GTF2IRD1: variants seen among roughly 807,000 people sequenced by gnomAD.
GTF2IRD1 encodes the protein general transcription factor II-I repeat domain-containing protein 1.
GTF2IRD1 carries 26 observed loss-of-function variants against 113.2 expected under a neutral mutation model. The ratio of observed to expected loss-of-function variants is 0.23; its 90% CI spans 0.17 to 0.32. GTF2IRD1 has a LOEUF of 0.32. Ranked by LOEUF, GTF2IRD1 falls within the 10% of genes least tolerant of loss-of-function variation. The pLI is 1.00. For missense variants in GTF2IRD1, 864 were observed against 1,280.8 expected (o/e 0.67, Z 4.97); for synonymous variants, 484 against 529.1 (o/e 0.91, Z 1.17).
intron 22 of GTF2IRD1, among the ~76,000 whole-genome samples, chr7:74,583,668 A>AT (rs1342301936): frequency 3.3e-5 from 5 of 151,728 alleles, no homozygotes; most frequent in Admixed American, 6.6e-5. Flanking sequence ...CCCATATAGA[A>AT]TTGCCATAGT....
rs146367459 is a variant in GTF2IRD1, at chr7:74,516,693, C to G, written c.421+1097C>G. Among the ~76,000 whole-genome samples, 437 of 152,286 alleles carry G rather than the reference C, an allele frequency of 2.9e-3. 3 individuals carry two copies. The highest frequency in any genetic ancestry group is 9.8e-3 in the African/African-American group (408 of 41,566). ...AGAGGCCCTGGGTGGTCACACTGGCCACCCTGGGATGGGGGACTTGCCACG... is the reference window on the plus strand; with the variant it reads ...AGAGGCCCTGGGTGGTCACACTGGCGACCCTGGGATGGGGGACTTGCCACG... On this transcript the variant is annotated intron_variant, in intron 4 of 26. Coordinates refer to ENST00000424337, the MANE Select transcript of GTF2IRD1 (RefSeq NM_005685.4).
intron 22 of GTF2IRD1, among the ~76,000 whole-genome samples, chr7:74,560,472 A>G (rs2130791601): frequency 6.8e-6 from 1 of 147,348 alleles, no homozygotes; most frequent in Non-Finnish European, 1.5e-5. Flanking sequence ...AAATATATAC[A>G]TAATAAAAAA....
intron 22 of GTF2IRD1, among the ~76,000 whole-genome samples, chr7:74,570,191 G>A (rs1488919757): frequency 6.6e-6 from 1 of 151,906 alleles, no homozygotes; most frequent in Non-Finnish European, 1.5e-5. Flanking sequence ...GTGAGACCCT[G>A]TCTCCACCAA....
At chr7:74,491,342 G>A (rs1554336663) in intron 1 of GTF2IRD1, among the ~76,000 whole-genome samples, 1 of 144,072 alleles carries the variant, frequency 6.9e-6, no homozygotes. Context: ...TTTACTTTGA[G>A]GTTCTTGGGT....
intron 22 of GTF2IRD1, among the ~76,000 whole-genome samples, chr7:74,566,403 T>C (rs2267817): frequency 0.41 from 62,093 of 151,982 alleles, 14,371 homozygotes; most frequent in African/African-American, 0.63. Context: ...ACTGCAGTCG[T>C]GTGATCTCAA....
intron 8 of GTF2IRD1, among the ~76,000 whole-genome samples, chr7:74,524,728 T>C (rs981481490): frequency 6.6e-6 from 1 of 152,056 alleles, no homozygotes; most frequent in Non-Finnish European, 1.5e-5. Context: ...TAACTGGGTG[T>C]GGTAATACAC....
chr7:74,599,881 A>C (rs960111901), intron 25 of GTF2IRD1, among the ~76,000 whole-genome samples: 3 of 151,624 alleles, frequency 2.0e-5, no homozygotes, highest in Non-Finnish European at 4.4e-5. Flanking sequence ...CCTCCCCAGA[A>C]CTCCCAGAGC....
chr7:74,523,270 C>A (rs1411110173), intron 7 of GTF2IRD1, among the ~76,000 whole-genome samples: 1 of 151,758 alleles, frequency 6.6e-6, no homozygotes, highest in Non-Finnish European at 1.5e-5. Flanking sequence ...TCATACCTGT[C>A]ATCCCAGCTG....
intron 9 of GTF2IRD1, among the ~76,000 whole-genome samples, chr7:74,530,213 AAAG>A (rs1243916386): frequency 6.6e-6 from 1 of 152,034 alleles, no homozygotes; most frequent in Non-Finnish European, 1.5e-5. Context: ...CTGTCTCAAA[AAAG>A]AGAGGTGCGG....
chr7:74,538,780 C>T lies in GTF2IRD1; in HGVS notation c.1528+20C>T, dbSNP rs587642183. On this transcript the variant is annotated intron_variant, in intron 13 of 26. Coordinates refer to ENST00000424337, the MANE Select transcript of GTF2IRD1 (RefSeq NM_005685.4). ...TCCCAGGTAAGGGACGGGCATCTGA[C>T]CACCCCCTGCAGAAATCAGGGCCGG... 6.5e-5 allele frequency: 85 copies of T among 1,317,576 alleles called. No homozygotes were observed. The South Asian group carries it at 9.0e-4, about 14-fold the overall frequency. The allele number at this position is 1,317,576 out of a possible 1,614,324, so 81.6% of individuals were successfully genotyped here.
At chr7:74,576,903 G>T (rs1308557800) in intron 22 of GTF2IRD1, among the ~76,000 whole-genome samples, 1 of 152,024 alleles carries the variant, frequency 6.6e-6, no homozygotes, top group Non-Finnish European at 1.5e-5. Context: ...TTACAGGTGT[G>T]AGCCACTGAG....
At chr7:74,590,582 G>A (rs182564739) in intron 23 of GTF2IRD1, among the ~76,000 whole-genome samples, 26 of 151,760 alleles carry the variant, frequency 1.7e-4, no homozygotes, top group Admixed American at 1.3e-3. Context: ...TAGTAGAGAC[G>A]AGGTTTTACC....
intron 20 of GTF2IRD1, among the ~76,000 whole-genome samples, chr7:74,558,029 T>C (rs1487278463): frequency 1.3e-5 from 2 of 152,054 alleles, no homozygotes; most frequent in Non-Finnish European, 2.9e-5. Context: ...ATCCCAGCAC[T>C]TTTGGAGGCT....
intron 9 of GTF2IRD1, 137 bp from the exon 10 acceptor site, chr7:74,534,976 T>G: frequency 1.4e-6 from 1 of 717,350 alleles, no homozygotes. Flanking sequence ...CCTGCATGTC[T>G]GCCGGATGCC....
At chr7:74,476,321 G>A (rs1293699614) in intron 1 of GTF2IRD1, among the ~76,000 whole-genome samples, 2 of 150,622 alleles carry the variant, frequency 1.3e-5, no homozygotes, top group Non-Finnish European at 1.5e-5. Flanking sequence ...AGTTCCTGGT[G>A]GATGTCTGCC....
intron 1 of GTF2IRD1, among the ~76,000 whole-genome samples, chr7:74,476,458 G>A (rs191464984): frequency 1.4e-5 from 2 of 145,826 alleles, no homozygotes; most frequent in Admixed American, 7.2e-5. Flanking sequence ...TCTGCCTCCC[G>A]GGTTCAAGCG....
At chr7:74,522,966 C>A (rs1554346333) in intron 7 of GTF2IRD1, among the ~76,000 whole-genome samples, 1 of 152,108 alleles carries the variant, frequency 6.6e-6, no homozygotes, top group Non-Finnish European at 1.5e-5. Flanking sequence ...GAGAGAGAGA[C>A]CAGCAGAGCT....
rs190429025 is a variant in GTF2IRD1, at chr7:74,479,935, C to T, written c.-7+25759C>T. Among the ~76,000 whole-genome samples, 192 of 151,608 alleles carry T rather than the reference C, an allele frequency of 1.3e-3. 1 individual carries two copies. The highest frequency in any genetic ancestry group is 1.9e-3 in the Non-Finnish European group (126 of 67,886). ...CTAATTTTTGTATTTTTAGTAGAGACGGGGTTTTGCCATGTTGGCCAGGCT... is the reference window on the plus strand; with the variant it reads ...CTAATTTTTGTATTTTTAGTAGAGATGGGGTTTTGCCATGTTGGCCAGGCT... On this transcript the variant is annotated intron_variant, in intron 1 of 26. Transcript: ENST00000424337.
At chr7:74,496,638 ATGTGTGCG>A (rs1437972440) in intron 1 of GTF2IRD1, among the ~76,000 whole-genome samples, 10 of 133,554 alleles carry the variant, frequency 7.5e-5, no homozygotes, top group East Asian at 2.4e-4. Flanking sequence ...GTGTGCATGT[ATGTGTGCG>A]TGTGGGTGTG....
Sources: gnomAD v4.1 joint callset for allele counts (sites outside exome capture counted in the v4.1 genomes callset) on GRCh38, gnomAD v4.1.1 for gene constraint, MANE v1.5 for transcripts, NCBI Gene and HGNC (gene_info 2026-07-23, HGNC 2026-07-21) for gene names.